Variants in STMN2 observed in about 807,000 individuals in gnomAD.
STMN2 encodes the protein stathmin 2, also known as stathmin-2.
STMN2 carries 2 observed loss-of-function variants against 24.1 expected under a neutral mutation model. The observed-to-expected ratio is 0.08, with a 90% CI of 0.03 to 0.26. The LOEUF is 0.26. Ranked by LOEUF, STMN2 falls within the 10% of genes least tolerant of loss-of-function variation. The probability of loss-of-function intolerance (pLI) is 1.00; values close to 1 mark genes in which losing one functional copy is unlikely to be tolerated. For missense variants in STMN2, 114 were observed against 213.6 expected (o/e 0.53, Z 2.91); for synonymous variants, 83 against 77.5 (o/e 1.07, Z -0.37).
At chr8:79,632,819 A>T (rs889345053) in intron 1 of STMN2, among the ~76,000 whole-genome samples, 1 of 152,224 alleles carries the variant, frequency 6.6e-6, no homozygotes, top group African/African-American at 2.4e-5. Flanking sequence ...ATGATACTGC[A>T]CTATCAATTC....
At chr8:79,635,421 G>T (rs1020147754) in intron 1 of STMN2, among the ~76,000 whole-genome samples, 1 of 152,174 alleles carries the variant, frequency 6.6e-6, no homozygotes, top group Non-Finnish European at 1.5e-5. Context: ...ACCCAAAGGA[G>T]AATAAATCAT....
At chr8:79,631,625 A>G (rs544007332) in intron 1 of STMN2, among the ~76,000 whole-genome samples, 150 of 152,328 alleles carry the variant, frequency 9.8e-4, no homozygotes, top group African/African-American at 3.4e-3. Flanking sequence ...TTTATGCTCC[A>G]AATTTGAACC....
chr8:79,663,626 A>T, intron 4 of STMN2: 1 of 1,531,642 alleles, frequency 6.5e-7, no homozygotes, highest in Non-Finnish European at 8.7e-7. Context: ...ATAGAGTCTC[A>T]ATTTCTGGAG....
chr8:79,657,138 T>C (rs1180282210), intron 4 of STMN2, among the ~76,000 whole-genome samples: 1 of 152,268 alleles, frequency 6.6e-6, no homozygotes, highest in African/African-American at 2.4e-5. Flanking sequence ...CCTCCCGAAG[T>C]GCTGGGATTA....
chr8:79,634,640 G>A lies in STMN2; in HGVS notation c.20-2162G>A, dbSNP rs186239420. On this transcript the variant is annotated intron_variant, in intron 1 of 4. Coordinates refer to ENST00000220876, the MANE Select transcript of STMN2 (RefSeq NM_007029.4). ...CTGCAATTTATCCAGAAGCTTCACC[G>A]TTGTCACTGGCTACATGTGACTTTG... Among the ~76,000 whole-genome samples the A allele has an allele frequency of 2.6e-4, 39 of 152,268 alleles. 1 individual carries two copies. In the East Asian group the frequency reaches 6.2e-3, roughly 24 times the overall value.
chr8:79,620,273 T>C (rs1809481652), intron 1 of STMN2, among the ~76,000 whole-genome samples: 1 of 150,590 alleles, frequency 6.6e-6, no homozygotes, highest in Non-Finnish European at 1.5e-5. Context: ...TTATATATCA[T>C]GTATGTGCCT....
chr8:79,643,772 CT>C (rs1346907114), intron 3 of STMN2, among the ~76,000 whole-genome samples: 6 of 152,032 alleles, frequency 3.9e-5, no homozygotes, highest in African/African-American at 1.4e-4. Flanking sequence ...GAACTAGAAA[CT>C]GGCCACATGG....
At chr8:79,618,019 G>C (rs1399904340) in intron 1 of STMN2, among the ~76,000 whole-genome samples, 1 of 152,200 alleles carries the variant, frequency 6.6e-6, no homozygotes, top group Non-Finnish European at 1.5e-5. Context: ...TTTGGGCCCA[G>C]GCCATCTGGC....
chr8:79,611,323 A>G (rs1809214476), intron 1 of STMN2, 109 bp downstream of exon 1: 2 of 1,450,522 alleles, frequency 1.4e-6, no homozygotes, highest in Middle Eastern at 1.7e-4. Context: ...AAAAGATGTT[A>G]ATGGTAACAC....
intron 1 of STMN2, among the ~76,000 whole-genome samples, chr8:79,616,571 A>T (rs1809386442): frequency 1.3e-5 from 2 of 152,214 alleles, no homozygotes; most frequent in South Asian, 4.1e-4. Flanking sequence ...CTGTCTTCCG[A>T]ACAAGCTCCC....
intron 1 of STMN2, among the ~76,000 whole-genome samples, chr8:79,624,261 T>G (rs373115680): frequency 5.1e-4 from 77 of 152,106 alleles, no homozygotes; most frequent in South Asian, 1.5e-3. Context: ...GAGACCATCC[T>G]GGCTAACACG....
intron 1 of STMN2, among the ~76,000 whole-genome samples, chr8:79,616,157 T>C (rs957599408): frequency 6.6e-6 from 1 of 152,206 alleles, no homozygotes; most frequent in Admixed American, 6.5e-5. Flanking sequence ...AACTGACTGC[T>C]GTTATTTTTC....
intron 1 of STMN2, chr8:79,613,452 C>G: frequency 1.0e-6 from 1 of 985,468 alleles, no homozygotes; most frequent in Non-Finnish European, 1.2e-6. Context: ...CCTGAGCTAC[C>G]CCCGCTTTCC....
In STMN2 at chr8:79,654,867, C is replaced by A; in HGVS notation, c.289-4C>A. Reference sequence around the variant, plus strand: ...TATAAGATGGCTATGTTTTTCTTCCCCAGTCTCAGGAGGCCCAGGTGCTGA... The same window carrying A: ...TATAAGATGGCTATGTTTTTCTTCCACAGTCTCAGGAGGCCCAGGTGCTGA... On this transcript the variant is annotated splice_polypyrimidine_tract_variant and splice_region_variant and intron_variant, in intron 3 of 4. Transcript: ENST00000220876. 6.2e-7 allele frequency: 1 copy of A among 1,608,548 alleles called. No individual in the cohort carries two copies. Among genetic ancestry groups the A allele is most frequent in the South Asian group, 1.1e-5 (1 of 90,764 alleles).
At chr8:79,654,803 T>C (rs991154805) in intron 3 of STMN2, 68 bp from the exon 4 acceptor site, 1 of 1,524,564 alleles carries the variant, frequency 6.6e-7, no homozygotes, top group East Asian at 2.4e-5. Context: ...TCCCTCCAAT[T>C]GGTGGGCCGT....
At chr8:79,617,990 C>T (rs1225670116) in intron 1 of STMN2, among the ~76,000 whole-genome samples, 1 of 152,204 alleles carries the variant, frequency 6.6e-6, no homozygotes, top group African/African-American at 2.4e-5. Context: ...CAAGGTCACA[C>T]AGTTAGTCAG....
intron 1 of STMN2, among the ~76,000 whole-genome samples, chr8:79,619,744 T>C (rs1377987853): frequency 1.3e-5 from 2 of 152,228 alleles, no homozygotes; most frequent in Non-Finnish European, 2.9e-5. Context: ...TACAGCTTTA[T>C]CTGAGAAATT....
intron 2 of STMN2, among the ~76,000 whole-genome samples, chr8:79,638,211 A>G (rs1175887716): frequency 6.6e-6 from 1 of 152,236 alleles, no homozygotes; most frequent in African/African-American, 2.4e-5. Context: ...CAAAGAATTC[A>G]GGGCTTAGTA....
chr8:79,630,741 G>T (rs1809779302), intron 1 of STMN2, among the ~76,000 whole-genome samples: 1 of 152,172 alleles, frequency 6.6e-6, no homozygotes, highest in Non-Finnish European at 1.5e-5. Context: ...TTAGAAGATT[G>T]CAGGAAAGGA....
Sources: allele counts gnomAD v4.1 joint callset (sites outside exome capture counted in the v4.1 genomes callset), GRCh38; gene constraint gnomAD v4.1.1; transcripts MANE v1.5; gene names NCBI Gene and HGNC (gene_info 2026-07-23, HGNC 2026-07-21).